Variants in CADPS observed in about 807,000 individuals in gnomAD.
CADPS encodes the protein calcium-dependent secretion activator 1.
CADPS carries 57 observed loss-of-function variants against 167.3 expected under a neutral mutation model. The observed-to-expected ratio is 0.34, with a 90% CI of 0.28 to 0.42. The LOEUF (loss-of-function observed/expected upper bound fraction) is 0.42. Ranked by LOEUF, CADPS falls within the 20% of genes least tolerant of loss-of-function variation. The probability of loss-of-function intolerance (pLI) is 1.00; values close to 1 mark genes in which losing one functional copy is unlikely to be tolerated. For missense variants in CADPS, 1,414 were observed against 1,738.1 expected (o/e 0.81, Z 3.32); for synonymous variants, 676 against 635.3 (o/e 1.06, Z -0.96).
intron 1 of CADPS, among the ~76,000 whole-genome samples, chr3:62,869,343 C>T (rs977856027): frequency 2.0e-5 from 3 of 152,022 alleles, no homozygotes; most frequent in African/African-American, 4.8e-5. Flanking sequence ...AGTCACTCAA[C>T]CTCTTTTTTG....
chr3:62,724,603 C>A (rs1461420841), intron 3 of CADPS, among the ~76,000 whole-genome samples: 2 of 152,172 alleles, frequency 1.3e-5, no homozygotes, highest in African/African-American at 2.4e-5. Context: ...ACAACTGGGA[C>A]TGTTGGTATT....
intron 6 of CADPS, among the ~76,000 whole-genome samples, chr3:62,623,063 A>G (rs1293234297): frequency 6.6e-6 from 1 of 152,210 alleles, no homozygotes; most frequent in Non-Finnish European, 1.5e-5. Flanking sequence ...TTATTTTTAA[A>G]CAAACTTTGA....
chr3:62,586,806 T>C (rs2084750256), intron 7 of CADPS, among the ~76,000 whole-genome samples: 1 of 152,220 alleles, frequency 6.6e-6, no homozygotes, highest in South Asian at 2.1e-4. Flanking sequence ...ATAAGTTTAC[T>C]TTGTATTAAT....
chr3:62,646,582 A>G (rs1204921316), intron 5 of CADPS, among the ~76,000 whole-genome samples: 1 of 152,220 alleles, frequency 6.6e-6, no homozygotes, highest in Non-Finnish European at 1.5e-5. Context: ...TAGTGCAAAT[A>G]CTAAAATAAA....
intron 14 of CADPS, 51 bp from the exon 15 acceptor site, chr3:62,516,694 G>T: frequency 7.7e-7 from 1 of 1,297,260 alleles, no homozygotes; most frequent in Non-Finnish European, 1.1e-6. Context: ...ATTTTAGCAT[G>T]AAATATGCTG....
intron 16 of CADPS, 135 bp downstream of exon 16, chr3:62,515,924 C>T (rs1577082301): frequency 9.9e-7 from 1 of 1,005,588 alleles, no homozygotes; most frequent in Non-Finnish European, 1.4e-6. Context: ...TTCGACATTT[C>T]AGGTGCTTCC....
At chr3:62,569,668 A>G (rs139194230) in intron 9 of CADPS, among the ~76,000 whole-genome samples, 1,526 of 152,310 alleles carry the variant, frequency 0.01, 32 homozygotes, top group African/African-American at 0.035. Context: ...GTCTCTGAGT[A>G]TAAAGCACTC....
intron 28 of CADPS, among the ~76,000 whole-genome samples, chr3:62,432,057 C>T (rs1354963421): frequency 6.6e-6 from 1 of 151,938 alleles, no homozygotes; most frequent in African/African-American, 2.4e-5. Context: ...CCCCACCCCC[C>T]AAAACCCTGA....
chr3:62,700,894 T>C (rs905203570), intron 3 of CADPS, among the ~76,000 whole-genome samples: 6 of 152,068 alleles, frequency 3.9e-5, no homozygotes, highest in African/African-American at 1.2e-4. Context: ...TTTCTCACAG[T>C]TGTGGAGGCT....
At chr3:62,756,382 T>C (rs138276837) in intron 2 of CADPS, among the ~76,000 whole-genome samples, 1 of 152,344 alleles carries the variant, frequency 6.6e-6, no homozygotes, top group Non-Finnish European at 1.5e-5. Flanking sequence ...CTCCAATTTC[T>C]TATCCATACA....
At chr3:62,553,708 G>A (rs1327682279) in intron 10 of CADPS, among the ~76,000 whole-genome samples, 1 of 152,148 alleles carries the variant, frequency 6.6e-6, no homozygotes, top group Non-Finnish European at 1.5e-5. Flanking sequence ...CAGAGGCTGA[G>A]GACACACCAA....
rs1372737250 is a variant in CADPS, at chr3:62,651,095, G to T, written c.970-15C>A. ...AATTTGCGTTCCTTGGGAAGAAAAA[G>T]AAAAGTATGAGCAGAGGAGAAAATA... On this transcript the variant is annotated splice_polypyrimidine_tract_variant and intron_variant, in intron 4 of 29. Transcript: ENST00000383710. 3.9e-6 allele frequency: 6 copies of T among 1,557,374 alleles called. No individual in the cohort carries two copies. Among genetic ancestry groups the T allele is most frequent in the Non-Finnish European group, 2.7e-6 (3 of 1,129,352 alleles).
intron 1 of CADPS, among the ~76,000 whole-genome samples, chr3:62,872,295 A>G (rs1183047249): frequency 6.6e-6 from 1 of 152,230 alleles, no homozygotes; most frequent in Non-Finnish European, 1.5e-5. Context: ...TTATTTTTAA[A>G]AAATCAGAGT....
chr3:62,545,035 C>T (rs1324977506), intron 11 of CADPS, among the ~76,000 whole-genome samples: 1 of 152,054 alleles, frequency 6.6e-6, no homozygotes, highest in African/African-American at 2.4e-5. Context: ...CTCCCCCAAA[C>T]CAACAGTAAC....
rs372869967 is a variant in CADPS at position 62,412,374 on chromosome 3, C to T, written c.3778-9189G>A. Among the ~76,000 whole-genome samples the T allele has an allele frequency of 5.3e-5, 8 of 152,104 alleles. No homozygotes were observed. The South Asian group carries it at 1.5e-3, about 28-fold the overall frequency. On this transcript the variant is annotated intron_variant, in intron 28 of 29. Coordinates refer to ENST00000383710, the MANE Select transcript of CADPS (RefSeq NM_003716.4). The surrounding 1 kb of genome is among the most constrained non-coding windows in gnomAD (Gnocchi z 4.1). ...ACCTGCTGCTGAGAGAATTCAGCTC[C>T]TCTTTTGCCTTTAGCCTTTTCTCAT...
At chr3:62,620,506 C>A (rs2063015066) in intron 6 of CADPS, among the ~76,000 whole-genome samples, 1 of 152,152 alleles carries the variant, frequency 6.6e-6, no homozygotes, top group Non-Finnish European at 1.5e-5. Context: ...TGAAACACTT[C>A]AAACACAGTG....
At chr3:62,411,212 G>C (rs753942562) in intron 28 of CADPS, among the ~76,000 whole-genome samples, 2 of 152,178 alleles carry the variant, frequency 1.3e-5, no homozygotes, top group Non-Finnish European at 2.9e-5. Context: ...TAACCAATCG[G>C]TGTTTTTGAA....
chr3:62,690,917 GAAGCA>G (rs770451700), intron 3 of CADPS, among the ~76,000 whole-genome samples: 11 of 151,974 alleles, frequency 7.2e-5, no homozygotes, highest in Non-Finnish European at 1.3e-4. Flanking sequence ...CTAAAACTTA[GAAGCA>G]AACAAGACAT....
intron 3 of CADPS, among the ~76,000 whole-genome samples, chr3:62,662,858 C>T (rs929382389): frequency 4.6e-5 from 7 of 152,146 alleles, no homozygotes; most frequent in African/African-American, 7.2e-5. Flanking sequence ...TAAGTCATTG[C>T]GTTCCTTCTC....
Sources: gnomAD v4.1 joint callset for allele counts (sites outside exome capture counted in the v4.1 genomes callset) on GRCh38, gnomAD v4.1.1 for gene constraint, Gnocchi (gnomAD v3.1) non-coding constraint, MANE v1.5 for transcripts, NCBI Gene and HGNC (gene_info 2026-07-23, HGNC 2026-07-21) for gene names.